RGS6: variants seen among roughly 807,000 people sequenced by gnomAD.
The protein encoded by RGS6 is regulator of G-protein signaling 6.
Under a neutral mutation model 78.5 loss-of-function variants are expected in RGS6, and 30 were observed. The ratio of observed to expected loss-of-function variants is 0.38; its 90% CI spans 0.29 to 0.52. The LOEUF is 0.52. RGS6 is among the 20% of genes least tolerant of loss of function. The pLI is 0.85. For synonymous variants in RGS6, 206 were observed against 206.0 expected, an observed-to-expected ratio of 1.00 and a Z score of 0.00; for missense variants, 495 against 609.7, an observed-to-expected ratio of 0.81 and a Z score of 1.98.
At chr14:72,411,936 A>T (rs889608882) in intron 3 of RGS6, among the ~76,000 whole-genome samples, 10 of 152,150 alleles carry the variant, frequency 6.6e-5, no homozygotes, top group Non-Finnish European at 1.5e-4. Context: ...CATGGTGGAT[A>T]AGCTTTTTGA....
chr14:72,356,157 C>G (rs1314532303), intron 3 of RGS6, among the ~76,000 whole-genome samples: 2 of 152,146 alleles, frequency 1.3e-5, no homozygotes, highest in African/African-American at 4.8e-5. Context: ...CTCTGTGTCC[C>G]TACCCAAATC....
intron 2 of RGS6, among the ~76,000 whole-genome samples, chr14:71,974,166 C>A (rs1439554829): frequency 6.6e-6 from 1 of 151,702 alleles, no homozygotes; most frequent in African/African-American, 2.4e-5. Flanking sequence ...ACCTGAATGG[C>A]TGTAAATTCC....
intron 2 of RGS6, among the ~76,000 whole-genome samples, chr14:72,330,144 G>T (rs1397536407): frequency 2.6e-5 from 4 of 152,188 alleles, no homozygotes; most frequent in Non-Finnish European, 5.9e-5. Flanking sequence ...CTACCATTGG[G>T]ATCCCAACCC....
intron 2 of RGS6, among the ~76,000 whole-genome samples, chr14:72,292,127 T>C (rs1236741485): frequency 6.6e-6 from 1 of 152,208 alleles, no homozygotes; most frequent in East Asian, 1.9e-4. Flanking sequence ...ATTCTCACAC[T>C]GACAGCCGCA....
intron 2 of RGS6, among the ~76,000 whole-genome samples, chr14:71,983,703 T>A (rs1452314637): frequency 6.6e-6 from 1 of 152,190 alleles, no homozygotes; most frequent in African/African-American, 2.4e-5. Flanking sequence ...GGACACTAGT[T>A]GTGGGATTTA....
chr14:72,365,628 A>G (rs1035229356), intron 3 of RGS6, among the ~76,000 whole-genome samples: 1 of 152,166 alleles, frequency 6.6e-6, no homozygotes, highest in Admixed American at 6.5e-5. Context: ...ACCTGTTTCG[A>G]TCTTATGTGC....
intron 2 of RGS6, among the ~76,000 whole-genome samples, chr14:72,294,689 C>T (rs1424707189): frequency 6.6e-6 from 1 of 152,204 alleles, no homozygotes; most frequent in Middle Eastern, 3.4e-3. Context: ...CAGCACTTCA[C>T]ATGGCCAGGG....
intron 2 of RGS6, among the ~76,000 whole-genome samples, chr14:72,276,312 A>G (rs1049007976): frequency 2.0e-5 from 3 of 152,228 alleles, no homozygotes; most frequent in African/African-American, 7.2e-5. Context: ...TGTATTCTCA[A>G]TGGGGGCAAT....
intron 3 of RGS6, among the ~76,000 whole-genome samples, chr14:72,447,803 A>T (rs1334587523): frequency 6.6e-6 from 1 of 152,160 alleles, no homozygotes; most frequent in Non-Finnish European, 1.5e-5. Flanking sequence ...CGCGGGTTGA[A>T]GCAATTCTCC....
chr14:72,611,451 G>A, the RGS6 span, among the ~76,000 whole-genome samples: 1 of 152,212 alleles, frequency 6.6e-6, no homozygotes. Flanking sequence ...CCAGATACAG[G>A]CGTGGGGCAG....
chr14:72,386,755 T>C (rs2088206365), intron 3 of RGS6, among the ~76,000 whole-genome samples: 1 of 152,204 alleles, frequency 6.6e-6, no homozygotes, highest in African/African-American at 2.4e-5. Flanking sequence ...TTCCTATAAA[T>C]AAAAAGTGCA....
At chr14:72,092,745 A>C in intron 2 of RGS6, among the ~76,000 whole-genome samples, 1 of 152,206 alleles carries the variant, frequency 6.6e-6, no homozygotes, top group Non-Finnish European at 1.5e-5. Flanking sequence ...TTTACAGAGC[A>C]GTTGCAAAGA....
chr14:72,624,843 TATGC>T, the RGS6 span, among the ~76,000 whole-genome samples: 2 of 152,266 alleles, frequency 1.3e-5, no homozygotes, highest in Admixed American at 1.3e-4. Flanking sequence ...AAGATCCACA[TATGC>T]ATACATTTTT....
At chr14:72,533,976 G>A (rs975903316) in intron 15 of RGS6, among the ~76,000 whole-genome samples, 2 of 152,182 alleles carry the variant, frequency 1.3e-5, no homozygotes, top group East Asian at 1.9e-4. Flanking sequence ...AGGATTTGAC[G>A]GGATTGACTG....
At position 72,033,399 on chromosome 14, in the gene RGS6, A is replaced by AT. The variant is rs777821892; in HGVS notation, c.84+68533dup. On this transcript the variant is annotated intron_variant, in intron 2 of 17. Transcript: ENST00000553525. ...CAGGCATGAGCCACCATGTCTGGCT[A>AT]TTTTTTTTTATTATTTGTAGAGATG... Among the ~76,000 whole-genome samples, 178 of 150,900 alleles carry AT rather than the reference A, an allele frequency of 1.2e-3. 1 individual carries two copies. Among genetic ancestry groups the AT allele is most frequent in the African/African-American group, 2.9e-3 (119 of 41,092 alleles).
At chr14:72,161,669 T>C (rs1298918889) in intron 2 of RGS6, among the ~76,000 whole-genome samples, 3 of 152,238 alleles carry the variant, frequency 2.0e-5, no homozygotes, top group African/African-American at 7.2e-5. Flanking sequence ...GTTTCTAACG[T>C]AATTCTGGGC....
chr14:72,343,143 C>G (rs531743150), intron 2 of RGS6, among the ~76,000 whole-genome samples: 40 of 152,338 alleles, frequency 2.6e-4, no homozygotes, highest in African/African-American at 9.4e-4. Context: ...TTTAGAACAA[C>G]ATAAATCCAT....
intron 2 of RGS6, among the ~76,000 whole-genome samples, chr14:72,005,737 A>G (rs1046718486): frequency 2.0e-5 from 3 of 152,060 alleles, no homozygotes; most frequent in Admixed American, 1.3e-4. Flanking sequence ...TTCTTTCTCC[A>G]TGTCTTTCTT....
upstream of RGS6, among the ~76,000 whole-genome samples, chr14:71,931,223 T>C (rs1339005883): frequency 6.6e-6 from 1 of 152,110 alleles, no homozygotes; most frequent in Non-Finnish European, 1.5e-5. Context: ...CTAGGCTGGG[T>C]ATGGTTTCTC....
Sources: allele counts gnomAD v4.1 joint callset (sites outside exome capture counted in the v4.1 genomes callset), GRCh38; gene constraint gnomAD v4.1.1; transcripts MANE v1.5; gene names NCBI Gene and HGNC (gene_info 2026-07-23, HGNC 2026-07-21).